Variants in CDK8 observed in about 807,000 individuals in gnomAD.
CDK8 encodes the protein cyclin dependent kinase 8.
CDK8 carries 29 observed loss-of-function variants against 71.5 expected under a neutral mutation model. The ratio of observed to expected loss-of-function variants is 0.41; its 90% CI spans 0.30 to 0.55. The LOEUF (loss-of-function observed/expected upper bound fraction) is 0.55, where lower values mean the gene tolerates loss of function less well. Among genes scored for constraint, CDK8 ranks in the 20% least tolerant of loss-of-function variants. CDK8 has a pLI of 0.37. For synonymous variants in CDK8, 161 were observed against 192.1 expected, an observed-to-expected ratio of 0.84 and a Z score of 1.34; for missense variants, 288 against 572.6, an observed-to-expected ratio of 0.50 and a Z score of 5.07.
intron 4 of CDK8, among the ~76,000 whole-genome samples, chr13:26,380,133 G>A (rs961026063): frequency 6.6e-6 from 1 of 152,194 alleles, no homozygotes; most frequent in African/African-American, 2.4e-5. Context: ...CACAAGGACT[G>A]GACCTTATGT....
chr13:26,257,894 T>TTG (rs34745022), intron 1 of CDK8, among the ~76,000 whole-genome samples: 7,886 of 148,544 alleles, frequency 0.053, 216 homozygotes, highest in Non-Finnish European at 0.069. Flanking sequence ...GAGTGTGTGT[T>TTG]TGTGTGTGTG....
intron 1 of CDK8, among the ~76,000 whole-genome samples, chr13:26,321,703 G>A (rs1435365779): frequency 1.3e-5 from 2 of 152,014 alleles, no homozygotes; most frequent in African/African-American, 4.8e-5. Flanking sequence ...AGTGAGCTAA[G>A]TATAAGAAGA....
chr13:26,385,235 T>G lies in CDK8; in HGVS notation c.539T>G (p.Phe180Cys). 1 of 1,611,832 alleles carries G rather than the reference T, an allele frequency of 6.2e-7. No homozygotes were observed. The highest frequency in any genetic ancestry group is 8.5e-7 in the Non-Finnish European group (1 of 1,179,114). ...GCTGACATGGGCTTTGCCCGATTAT[T>G]TAATTCACCTTTGAAGCCTTTAGCA... The part of the protein sequence containing the change: ...KIADMGFARL[F>C]NSPLKPLADL... Residue 180 changes from phenylalanine to cysteine, a missense_variant, in exon 6 of 13, where the codon TTT becomes TGT. Around this residue, in one of 6 missense-constraint regions of CDK8, gnomAD observed 95 missense variants for 177.3 expected, o/e 0.54. Coordinates refer to ENST00000381527, the MANE Select transcript of CDK8 (RefSeq NM_001260.3).
At chr13:26,335,431 T>C (rs17083835) in intron 1 of CDK8, among the ~76,000 whole-genome samples, 5,393 of 152,234 alleles carry the variant, frequency 0.035, 313 homozygotes, top group African/African-American at 0.12. Flanking sequence ...GAACCTACTC[T>C]TGTGGCTTCG....
At chr13:26,281,045 C>G (rs879368367) in intron 1 of CDK8, among the ~76,000 whole-genome samples, 3 of 152,252 alleles carry the variant, frequency 2.0e-5, no homozygotes, top group Non-Finnish European at 4.4e-5. Context: ...CACAATATTA[C>G]AGCAACTCAT....
At chr13:26,377,348 A>G (rs549672607) in intron 4 of CDK8, among the ~76,000 whole-genome samples, 3 of 152,342 alleles carry the variant, frequency 2.0e-5, no homozygotes, top group South Asian at 2.1e-4. Context: ...AGCCTAGACT[A>G]TGACCTCTTA....
chr13:26,308,638 C>T (rs1288627130), intron 1 of CDK8, among the ~76,000 whole-genome samples: 2 of 152,198 alleles, frequency 1.3e-5, no homozygotes, highest in South Asian at 2.1e-4. Flanking sequence ...TGCTATTCTA[C>T]CTCTAGTAAC....
intron 4 of CDK8, among the ~76,000 whole-genome samples, chr13:26,354,508 A>T (rs1873811445): frequency 6.6e-6 from 1 of 152,186 alleles, no homozygotes; most frequent in Non-Finnish European, 1.5e-5. Context: ...GCCACAGACC[A>T]GTCCATGGCT....
chr13:26,300,938 A>G (rs1267947859), intron 1 of CDK8, among the ~76,000 whole-genome samples: 1 of 152,206 alleles, frequency 6.6e-6, no homozygotes, highest in Non-Finnish European at 1.5e-5. Context: ...AGAGATGAAT[A>G]GTCTATTTAT....
intron 1 of CDK8, among the ~76,000 whole-genome samples, chr13:26,325,758 A>G (rs377531962): frequency 6.6e-6 from 1 of 152,092 alleles, no homozygotes; most frequent in Admixed American, 6.5e-5. Context: ...GGAAATAATA[A>G]TATGATTATC....
chr13:26,262,383 TTTGTG>T (rs1274755006), intron 1 of CDK8, among the ~76,000 whole-genome samples: 1 of 143,416 alleles, frequency 7.0e-6, no homozygotes, highest in Non-Finnish European at 1.5e-5. Flanking sequence ...ATTTTGTACT[TTTGTG>T]TATGTGTGTG....
At chr13:26,354,735 C>G (rs945241630) in intron 4 of CDK8, among the ~76,000 whole-genome samples, 1 of 152,106 alleles carries the variant, frequency 6.6e-6, no homozygotes, top group Admixed American at 6.6e-5. Flanking sequence ...TGAAACCATC[C>G]CCTCCCACCC....
Position 26,356,843 on chromosome 13 carries a change from A to G in CDK8, c.456+2963A>G, listed in dbSNP as rs190725295. On this transcript the variant is annotated intron_variant, in intron 4 of 12. Coordinates refer to ENST00000381527, the MANE Select transcript of CDK8 (RefSeq NM_001260.3). ...CTATCAAAACAAAAATTAATAGTTC[A>G]TTATATTCTTTACCCCTGTTTAGTC... Among the ~76,000 whole-genome samples the G allele has an allele frequency of 3.3e-4, 51 of 152,282 alleles. No homozygotes were observed. The Middle Eastern group carries it at 0.01, about 30-fold the overall frequency.
chr13:26,328,360 A>G (rs1210904026), intron 1 of CDK8, among the ~76,000 whole-genome samples: 1 of 152,196 alleles, frequency 6.6e-6, no homozygotes, highest in Admixed American at 6.5e-5. Context: ...TCCATGAAAG[A>G]AGTAGTGTAC....
chr13:26,381,205 A>G (rs2138043603), intron 4 of CDK8, among the ~76,000 whole-genome samples: 1 of 152,264 alleles, frequency 6.6e-6, no homozygotes, highest in East Asian at 1.9e-4. Context: ...CACATTTTGA[A>G]TTGGGAGCAA....
At chr13:26,376,062 A>G (rs1874930617) in intron 4 of CDK8, among the ~76,000 whole-genome samples, 2 of 152,204 alleles carry the variant, frequency 1.3e-5, no homozygotes, top group African/African-American at 4.8e-5. Context: ...ACAAACATCT[A>G]GATTTGTCAA....
intron 1 of CDK8, among the ~76,000 whole-genome samples, chr13:26,311,426 T>C (rs1874279909): frequency 6.6e-6 from 1 of 152,200 alleles, no homozygotes; most frequent in Non-Finnish European, 1.5e-5. Flanking sequence ...AATAGGAAAT[T>C]CTGACTCAGA....
Position 26,404,163 on chromosome 13 carries a change from C to CAGGTGTGTA in CDK8, c.*82_*83insAGGTGTGTA. ...GCTCTCTGCGGGAACCTGGTATGGG[C>CAGGTGTGTA]CATGAGAATGTACTGTACAACCACA... On this transcript the variant is annotated 3_prime_UTR_variant, in exon 13 of 13. Coordinates refer to ENST00000381527, the MANE Select transcript of CDK8 (RefSeq NM_001260.3). 6.7e-6 allele frequency: 10 copies of CAGGTGTGTA among 1,497,956 alleles called. No homozygotes were observed. The highest frequency in any genetic ancestry group is 9.1e-6 in the Non-Finnish European group (10 of 1,094,578). The allele number at this position is 1,497,956 out of a possible 1,614,324, so 92.8% of individuals were successfully genotyped here.
intron 2 of CDK8, among the ~76,000 whole-genome samples, chr13:26,347,810 A>G (rs1431648303): frequency 6.6e-6 from 1 of 152,192 alleles, no homozygotes; most frequent in Non-Finnish European, 1.5e-5. Flanking sequence ...GTTGGTGAGG[A>G]TATGAAGAAA....
Sources: gnomAD v4.1 joint callset for allele counts (sites outside exome capture counted in the v4.1 genomes callset) on GRCh38, gnomAD v4.1.1 for gene constraint, gnomAD v4.1.1 regional missense constraint, MANE v1.5 for transcripts, NCBI Gene and HGNC (gene_info 2026-07-23, HGNC 2026-07-21) for gene names.